The following SLC2A13 variants were observed in gnomAD, a reference collection of about 807,000 sequenced individuals.
SLC2A13 encodes proton myo-inositol cotransporter.
A neutral mutation model predicts 64.4 loss-of-function variants in SLC2A13; 32 were observed. The observed-to-expected ratio is 0.50, with a 90% confidence interval of 0.37 to 0.67. The LOEUF (loss-of-function observed/expected upper bound fraction) is 0.67. SLC2A13 is among the 30% of genes least tolerant of loss of function. The pLI, the probability that SLC2A13 is intolerant of heterozygous loss-of-function variation, is 0.00. For synonymous variants in SLC2A13, 338 were observed against 327.1 expected (o/e 1.03, Z -0.36); for missense variants, 743 against 829.2 (o/e 0.90, Z 1.28).
chr12:39,897,759 T>A (rs944252250), intron 4 of SLC2A13, among the ~76,000 whole-genome samples: 3 of 152,162 alleles, frequency 2.0e-5, no homozygotes, highest in Non-Finnish European at 4.4e-5. Context: ...AAAAATATTT[T>A]AAAAAATCAT....
chr12:40,032,033 G>A (rs896088679), intron 2 of SLC2A13, among the ~76,000 whole-genome samples: 2 of 152,088 alleles, frequency 1.3e-5, no homozygotes, highest in African/African-American at 4.8e-5. Flanking sequence ...TTCTAAACCT[G>A]GCTTCACATT....
intron 1 of SLC2A13, among the ~76,000 whole-genome samples, chr12:40,054,407 T>C (rs7966741): frequency 0.098 from 14,973 of 152,210 alleles, 900 homozygotes; most frequent in East Asian, 0.2. Flanking sequence ...TAGTCCATAC[T>C]AAACTCACAC....
intron 7 of SLC2A13, among the ~76,000 whole-genome samples, chr12:39,822,614 T>C (rs893377702): frequency 1.3e-5 from 2 of 152,192 alleles, no homozygotes; most frequent in African/African-American, 4.8e-5. Context: ...TTCACCACCA[T>C]TATCTTACAC....
chr12:39,815,322 G>C (rs972189166), intron 7 of SLC2A13, among the ~76,000 whole-genome samples: 1 of 152,168 alleles, frequency 6.6e-6, no homozygotes, highest in Non-Finnish European at 1.5e-5. Context: ...GTGATGGTCT[G>C]GCCTTTATTG....
chr12:40,016,192 A>AC lies in SLC2A13; in HGVS notation c.925+12108dup, dbSNP rs909407319. On this transcript the variant is annotated intron_variant, in intron 3 of 9. Coordinates refer to ENST00000280871, the MANE Select transcript of SLC2A13 (RefSeq NM_052885.4). ...TTATAATTTGAAAACATACTACACC[A>AC]CCCCCCCAAAAAAAAACTACTCTTG... Among the ~76,000 whole-genome samples, 12 of 150,744 alleles carry AC rather than the reference A, an allele frequency of 8.0e-5. 1 individual carries two copies. The highest frequency in any genetic ancestry group is 4.7e-4 in the Admixed American group (7 of 15,048).
chr12:39,895,837 T>TGTATATGCGTGTATAC lies in SLC2A13; in HGVS notation c.1035-23877_1035-23876insGTATACACGCATATAC, dbSNP rs1565526592. 9.9e-3 allele frequency among the ~76,000 whole-genome samples: 561 copies of TGTATATGCGTGTATAC among 56,706 alleles called. 178 individuals are homozygous for TGTATATGCGTGTATAC. The highest frequency in any genetic ancestry group is 0.035 in the African/African-American group (515 of 14,904). The allele number at this position is 56,706 out of a possible 152,430, so 37.2% of individuals were successfully genotyped here. On this transcript the variant is annotated intron_variant, in intron 4 of 9. Coordinates refer to ENST00000280871, the MANE Select transcript of SLC2A13 (RefSeq NM_052885.4). The stretch of plus-strand genomic sequence containing the variant: ...GTACACACATGTATATGCGTGTATA[T>TGTATATGCGTGTATAC]GCACACACATATGTATATGCGTGTA...
chr12:39,811,699 G>T (rs1223184049), intron 7 of SLC2A13, among the ~76,000 whole-genome samples: 2 of 152,010 alleles, frequency 1.3e-5, no homozygotes, highest in East Asian at 3.9e-4. Flanking sequence ...TGATGAATTG[G>T]CCACTTTATT....
chr12:40,042,233 G>A (rs893426108), intron 2 of SLC2A13, among the ~76,000 whole-genome samples: 1 of 151,952 alleles, frequency 6.6e-6, no homozygotes, highest in African/African-American at 2.4e-5. Context: ...AATAAGATAA[G>A]CCTGTTTTTT....
Position 39,783,187 on chromosome 12 carries a change from G to A in SLC2A13, c.1446-18329C>T, listed in dbSNP as rs139334959. ...TTTCCAGCTTCATCCATGTCCCTACGAAGGACATGAACTCATCCTTTTTTA... is the reference window on the plus strand; with the variant it reads ...TTTCCAGCTTCATCCATGTCCCTACAAAGGACATGAACTCATCCTTTTTTA... On this transcript the variant is annotated intron_variant, in intron 7 of 9. Transcript: ENST00000280871. Among the ~76,000 whole-genome samples, 186 of 152,160 alleles carry A rather than the reference G, an allele frequency of 1.2e-3. 1 individual carries two copies. Among genetic ancestry groups the A allele is most frequent in the African/African-American group, 4.2e-3 (173 of 41,516 alleles).
rs1947838084 is a variant in SLC2A13 at position 40,027,688 on chromosome 12, TA to T, written c.925+612del. Among the ~76,000 whole-genome samples the T allele has an allele frequency of 3.3e-5, 5 of 152,284 alleles. No homozygotes were observed. In the South Asian group the frequency reaches 1.0e-3, roughly 32 times the overall value. On this transcript the variant is annotated intron_variant, in intron 3 of 9. Coordinates refer to ENST00000280871, the MANE Select transcript of SLC2A13 (RefSeq NM_052885.4). ...AGGCAAAAGGAAGCGCAAGAGAAAA[TA>T]AGACCAATTTGGGAAATGTGAAGTG...
At chr12:39,946,336 G>T (rs1592307826) in intron 4 of SLC2A13, among the ~76,000 whole-genome samples, 1 of 152,198 alleles carries the variant, frequency 6.6e-6, no homozygotes, top group South Asian at 2.1e-4. Flanking sequence ...GTGCTGGTTG[G>T]CTTCCTGCCA....
At chr12:39,919,049 T>C (rs1051230341) in intron 4 of SLC2A13, among the ~76,000 whole-genome samples, 2 of 151,646 alleles carry the variant, frequency 1.3e-5, no homozygotes, top group African/African-American at 4.9e-5. Context: ...GGTTCAATCA[T>C]AGCTCCCTGC....
chr12:39,998,381 G>A (rs1947267612), intron 3 of SLC2A13, among the ~76,000 whole-genome samples: 2 of 152,226 alleles, frequency 1.3e-5, no homozygotes, highest in African/African-American at 4.8e-5. Flanking sequence ...GGGGACTTGA[G>A]GGAAAAGGGT....
At chr12:39,968,895 C>G (rs890436277) in intron 3 of SLC2A13, among the ~76,000 whole-genome samples, 4 of 151,354 alleles carry the variant, frequency 2.6e-5, no homozygotes, top group African/African-American at 7.3e-5. Context: ...GTGTGCTGCA[C>G]CCATTAACTC....
chr12:39,892,981 A>C (rs1192869796), intron 4 of SLC2A13, among the ~76,000 whole-genome samples: 2 of 152,190 alleles, frequency 1.3e-5, no homozygotes, highest in Non-Finnish European at 2.9e-5. Context: ...ATAAAATTTA[A>C]AAAATTTTTT....
intron 1 of SLC2A13, among the ~76,000 whole-genome samples, chr12:40,098,383 T>G (rs1372854864): frequency 6.6e-6 from 1 of 152,168 alleles, no homozygotes; most frequent in East Asian, 1.9e-4. Context: ...GTGTTTCAGT[T>G]TTGCAAGATG....
At chr12:40,025,524 TC>T (rs1338225577) in intron 3 of SLC2A13, among the ~76,000 whole-genome samples, 1 of 152,196 alleles carries the variant, frequency 6.6e-6, no homozygotes, top group Non-Finnish European at 1.5e-5. Flanking sequence ...GGTTTACTGA[TC>T]CAGAATCAGA....
At chr12:39,764,992 G>A in intron 7 of SLC2A13, 134 bp from the exon 8 acceptor site, 1 of 1,019,284 alleles carries the variant, frequency 9.8e-7, no homozygotes, top group East Asian at 2.7e-5. Context: ...TAAAAAATAA[G>A]AACTAAATAT....
chr12:40,105,743 C>G lies in SLC2A13; in HGVS notation c.66G>C (p.Glu22Asp), dbSNP rs946250584. The G allele has an allele frequency of 6.7e-7, 1 of 1,489,044 alleles. No individual in the cohort carries two copies. The highest frequency in any genetic ancestry group is 8.9e-7 in the Non-Finnish European group (1 of 1,120,126). The allele number at this position is 1,489,044 out of a possible 1,614,324, so 92.2% of individuals were successfully genotyped here. ...TLRSLSSLMGERRRKQPEPDA... is the reference protein window; with the variant it reads ...TLRSLSSLMGDRRRKQPEPDA... ...CCGGCTCCGGCTGCTTCCTGCGCCG[C>G]TCGCCCATCAGGCTGCTCAGGCTCC... Residue 22 changes from glutamate (E) to aspartate (D), a missense_variant, in exon 1 of 10, where the codon GAG becomes GAC. Glu to Asp is a conservative substitution (Grantham distance 45, BLOSUM62 2). Coordinates refer to ENST00000280871, the MANE Select transcript of SLC2A13 (RefSeq NM_052885.4). This position sits in a 1 kb window ranked among gnomAD's most constrained non-coding sequence, Gnocchi z 4.2.
Sources: allele counts gnomAD v4.1 joint callset (sites outside exome capture counted in the v4.1 genomes callset), GRCh38; gene constraint gnomAD v4.1.1; non-coding constraint Gnocchi (gnomAD v3.1); transcripts MANE v1.5; gene names NCBI Gene and HGNC (gene_info 2026-07-23, HGNC 2026-07-21).